The following POLR1B variants were observed in gnomAD, a reference collection of about 807,000 sequenced individuals.
POLR1B encodes RNA polymerase I subunit B, also known as DNA-directed RNA polymerase I subunit RPA2.
POLR1B carries 30 observed loss-of-function variants against 105.8 expected under a neutral mutation model. That is an observed-to-expected ratio of 0.28 (90% CI 0.21 to 0.38). POLR1B has a LOEUF of 0.38. POLR1B is among the 10% of genes least tolerant of loss of function. The probability of loss-of-function intolerance (pLI) is 1.00; values close to 1 mark genes in which losing one functional copy is unlikely to be tolerated. For synonymous variants in POLR1B, 485 were observed against 505.1 expected (o/e 0.96, Z 0.53); for missense variants, 976 against 1,435.8 (o/e 0.68, Z 5.17).
In POLR1B at chr2:112,552,731, A is replaced by G; in HGVS notation, c.1073A>G (p.Lys358Arg). Residue 358 changes from lysine (K) to arginine (R), a missense_variant, in exon 7 of 15, where the codon AAA (lysine) becomes AGA (arginine). By Grantham distance (26) the Lys-to-Arg change is conservative. This residue lies in a region of POLR1B where 452 missense variants were observed against 616.5 expected (regional missense o/e 0.73). Coordinates refer to ENST00000263331, the MANE Select transcript of POLR1B (RefSeq NM_019014.6). The part of the protein sequence containing the change: ...LMTRKLFALA[K>R]GECMEDNPDS... ...ACGCGAAAGCTCTTTGCTTTAGCCA[A>G]AGGAGAGTGCATGGAGGACAATCCT... 1 of 1,613,014 alleles carries G rather than the reference A, an allele frequency of 6.2e-7. No homozygotes were observed. Among genetic ancestry groups the G allele is most frequent in the Non-Finnish European group, 8.5e-7 (1 of 1,179,546 alleles).
chr2:112,573,552 T>C lies in POLR1B; in HGVS notation c.2272-10T>C. 1.2e-6 allele frequency: 2 copies of C among 1,605,076 alleles called. No individual in the cohort carries two copies. Among genetic ancestry groups the C allele is most frequent in the Non-Finnish European group, 1.7e-6 (2 of 1,175,786 alleles). On this transcript the variant is annotated splice_polypyrimidine_tract_variant and intron_variant, in intron 13 of 14. Transcript: ENST00000263331. Reference sequence around the variant, plus strand: ...GGCCTCAGTCTTTTAACGATTCTTTTACTTCACAGATTGTGAATAAGGCCT... The same window carrying C: ...GGCCTCAGTCTTTTAACGATTCTTTCACTTCACAGATTGTGAATAAGGCCT...
chr2:112,568,979 T>C, intron 12 of POLR1B, 77 bp downstream of exon 12: 2 of 1,419,726 alleles, frequency 1.4e-6, no homozygotes, highest in South Asian at 2.7e-5. Context: ...ATTGTCCTTA[T>C]TTACATATGC....
chr2:112,558,140 T>G, intron 8 of POLR1B, 59 bp downstream of exon 8: 1 of 1,245,492 alleles, frequency 8.0e-7, no homozygotes, highest in African/African-American at 1.6e-5. Context: ...AGTGTAGATT[T>G]GCCTGTCCCT....
intron 9 of POLR1B, among the ~76,000 whole-genome samples, chr2:112,563,277 G>A (rs1046640609): frequency 2.0e-5 from 3 of 150,262 alleles, no homozygotes; most frequent in African/African-American, 7.4e-5. Context: ...GGATGGTCTC[G>A]ATCTCCTGAC....
At position 112,564,182 on chromosome 2, in the gene POLR1B, G is replaced by A. The variant is rs1684158856; in HGVS notation, c.1613-184G>A. 6.6e-6 allele frequency: 4 copies of A among 609,380 alleles called. No individual in the cohort carries two copies. In the Admixed American group the frequency reaches 1.3e-4, roughly 20 times the overall value. 37.7% of individuals were successfully genotyped at this position (609,380 alleles called of 1,614,324 possible). Reference sequence around the variant, plus strand: ...GGGAACACTTGTCGTTGGAAAAATGGCATTGATAAGCCTGCTTGAAATATC... The same window carrying A: ...GGGAACACTTGTCGTTGGAAAAATGACATTGATAAGCCTGCTTGAAATATC... On this transcript the variant is annotated intron_variant, in intron 9 of 14. Transcript: ENST00000263331.
chr2:112,573,857 T>C (rs770605847), intron 14 of POLR1B, 42 bp downstream of exon 14: 7 of 1,596,850 alleles, frequency 4.4e-6, no homozygotes, highest in Non-Finnish European at 3.4e-6. Context: ...TGTTTTTGTT[T>C]TTGTTTTGAG....
chr2:112,577,790 C>T lies in POLR1B; in HGVS notation c.*2061C>T, dbSNP rs1684932170. 6.8e-6 allele frequency among the ~76,000 whole-genome samples: 1 copy of T among 146,042 alleles called. No individual in the cohort carries two copies. Among genetic ancestry groups the T allele is most frequent in the African/African-American group, 2.6e-5 (1 of 39,046 alleles). ...GTCCAGGCAGTGAGCCAAGATTGTG[C>T]CACCACACTCCAGCCTGGGCGACAG... is the stretch of plus-strand genomic sequence containing the variant. On this transcript the variant is annotated 3_prime_UTR_variant, in exon 15 of 15. Coordinates refer to ENST00000263331, the MANE Select transcript of POLR1B (RefSeq NM_019014.6).
In POLR1B at chr2:112,572,659, C is replaced by G; in HGVS notation, c.2172C>G (p.Pro724=). 1.1e-5 allele frequency: 17 copies of G among 1,613,428 alleles called. No individual in the cohort carries two copies. The highest frequency in any genetic ancestry group is 1.4e-5 in the Non-Finnish European group (17 of 1,179,600). Residue 724 remains proline, a synonymous_variant, in exon 13 of 15, where the codon CCC becomes CCG. Transcript: ENST00000263331. Reference sequence around the variant, plus strand: ...CTCCTCAGAGTCCCTTGGTGAGACCCTCCATGTATGATTATTATGACATGG... The same window carrying G: ...CTCCTCAGAGTCCCTTGGTGAGACCGTCCATGTATGATTATTATGACATGG... ...LQTPQSPLVR[P]SMYDYYDMDN...
intron 1 of POLR1B, among the ~76,000 whole-genome samples, chr2:112,544,276 A>T (rs1429226960): frequency 6.6e-6 from 1 of 151,814 alleles, no homozygotes; most frequent in African/African-American, 2.4e-5. Context: ...ACTAAAAAAT[A>T]CAAAAATTAG....
intron 1 of POLR1B, among the ~76,000 whole-genome samples, chr2:112,544,339 C>T (rs759375941): frequency 2.0e-5 from 3 of 151,816 alleles, no homozygotes; most frequent in Non-Finnish European, 4.4e-5. Context: ...GGCTGAGGCA[C>T]GAGAATCGCT....
chr2:112,550,737 C>A, intron 4 of POLR1B, 129 bp from the exon 5 acceptor site: 1 of 894,522 alleles, frequency 1.1e-6, no homozygotes, highest in Non-Finnish European at 1.7e-6. Flanking sequence ...TTTTTGATTG[C>A]CAGTCTTGGC....
intron 10 of POLR1B, among the ~76,000 whole-genome samples, chr2:112,567,258 A>G (rs995819079): frequency 1.3e-5 from 2 of 152,012 alleles, no homozygotes; most frequent in Admixed American, 6.6e-5. Flanking sequence ...ATGATAATGC[A>G]TCTAGCTGTG....
At chr2:112,559,621 T>C in intron 9 of POLR1B, 47 bp downstream of exon 9, 1 of 1,574,376 alleles carries the variant, frequency 6.4e-7, no homozygotes, top group South Asian at 1.2e-5. Context: ...ATGTGGGTTT[T>C]TTTGTGTTCT....
chr2:112,557,270 A>G (rs1310561706), intron 7 of POLR1B, among the ~76,000 whole-genome samples: 1 of 152,250 alleles, frequency 6.6e-6, no homozygotes, highest in African/African-American at 2.4e-5. Flanking sequence ...TATTCAACCT[A>G]CATTGCTGCA....
Position 112,575,207 on chromosome 2 carries a change from T to C in POLR1B, c.2886T>C (p.Phe962=), listed in dbSNP as rs764654399. The change falls in exon 15 of 15, where the codon TTT becomes TTC. Residue 962 remains phenylalanine (F), a synonymous_variant. Transcript: ENST00000263331. The surrounding 1 kb of genome is among the most constrained non-coding windows in gnomAD (Gnocchi z 5.3). ...FSEENSALEY[F]GEMLKAAGYN... ...AGGAGAACTCGGCCTTAGAATACTT[T>C]GGTGAGATGTTAAAGGCTGCTGGCT... 1.9e-6 allele frequency: 3 copies of C among 1,614,058 alleles called. No individual in the cohort carries two copies. The highest frequency in any genetic ancestry group is 2.2e-5 in the East Asian group (1 of 44,874).
At chr2:112,563,242 A>G (rs941092397) in intron 9 of POLR1B, among the ~76,000 whole-genome samples, 1 of 151,096 alleles carries the variant, frequency 6.6e-6, no homozygotes, top group African/African-American at 2.4e-5. Context: ...TTTTTTATAG[A>G]GACGGGGTTT....
At chr2:112,561,024 C>T (rs997352292) in intron 9 of POLR1B, among the ~76,000 whole-genome samples, 1 of 151,588 alleles carries the variant, frequency 6.6e-6, no homozygotes, top group Admixed American at 6.6e-5. Flanking sequence ...AAGATTGCAC[C>T]ACTGCACTCC....
chr2:112,558,777 C>T (rs769505949), intron 8 of POLR1B, among the ~76,000 whole-genome samples: 2 of 152,004 alleles, frequency 1.3e-5, no homozygotes, highest in Non-Finnish European at 2.9e-5. Context: ...AGCCACAACA[C>T]CTGGCTAATT....
At chr2:112,568,997 T>C in intron 12 of POLR1B, 95 bp downstream of exon 12, 1 of 1,313,480 alleles carries the variant, frequency 7.6e-7, no homozygotes, top group Non-Finnish European at 1.0e-6. Context: ...TGCTGACCAT[T>C]TGTTCCAAAA....
Sources: allele counts gnomAD v4.1 joint callset (sites outside exome capture counted in the v4.1 genomes callset), GRCh38; gene constraint gnomAD v4.1.1; regional missense constraint gnomAD v4.1.1; non-coding constraint Gnocchi (gnomAD v3.1); transcripts MANE v1.5; gene names NCBI Gene and HGNC (gene_info 2026-07-23, HGNC 2026-07-21).